Variants in TMEM232 observed in about 807,000 individuals in gnomAD.
TMEM232 encodes the protein transmembrane protein 232.
A neutral mutation model predicts 78.8 loss-of-function variants in TMEM232; 80 were observed. The observed-to-expected ratio is 1.01, with a 90% confidence interval of 0.85 to 1.22. The LOEUF is 1.22. TMEM232 is among the 50% of genes most tolerant of loss of function. The pLI, the probability that TMEM232 is intolerant of heterozygous loss-of-function variation, is 0.00. For synonymous variants in TMEM232, 297 were observed against 254.3 expected (o/e 1.17, Z -1.60); for missense variants, 881 against 742.2 (o/e 1.19, Z -2.17).
At chr5:110,610,228 GAAAA>G (rs373478857) in intron 8 of TMEM232, among the ~76,000 whole-genome samples, 4 of 7,360 alleles carry the variant, frequency 5.4e-4, no homozygotes, top group African/African-American at 1.0e-3. Flanking sequence ...GGGAGGGAGG[GAAAA>G]AGAAAGGAAG....
intron 12 of TMEM232, among the ~76,000 whole-genome samples, chr5:110,468,627 A>G (rs887684083): frequency 4.6e-5 from 7 of 152,172 alleles, no homozygotes; most frequent in Non-Finnish European, 7.4e-5. Flanking sequence ...TTATATAAGT[A>G]TAACCCCAGG....
rs112620554 is a variant in TMEM232, at chr5:110,454,499, G to GA, written c.1704-29584dup. Among the ~76,000 whole-genome samples, 289 of 144,968 alleles carry GA rather than the reference G, an allele frequency of 2.0e-3. 9 individuals carry two copies. The South Asian group carries it at 0.049, about 25-fold the overall frequency. ...AACATAGCAAGACTCTGTCTCTAAGGAAAAAAAAAAGTAACAGAAAGATAT... is the reference window on the plus strand; with the variant it reads ...AACATAGCAAGACTCTGTCTCTAAGGAAAAAAAAAAAGTAACAGAAAGATAT... On this transcript the variant is annotated intron_variant, in intron 12 of 13. Coordinates refer to ENST00000455884, the MANE Select transcript of TMEM232 (RefSeq NM_001039763.4).
In TMEM232 at chr5:110,690,503, G is replaced by C. The variant is rs188440479; in HGVS notation, c.-12-23139C>G. ...ATGCTATAGAGGATGTGGAGAAATA[G>C]GAACGCTTTTACACTGTTAGTGGGA... On this transcript the variant is annotated intron_variant, in intron 1 of 13. Transcript: ENST00000455884. 3.6e-4 allele frequency among the ~76,000 whole-genome samples: 55 copies of C among 152,290 alleles called. 1 individual carries two copies. The East Asian group carries it at 0.01, about 28-fold the overall frequency.
At chr5:110,620,765 A>C (rs913381107) in intron 7 of TMEM232, among the ~76,000 whole-genome samples, 2 of 151,290 alleles carry the variant, frequency 1.3e-5, no homozygotes, top group African/African-American at 2.4e-5. Context: ...GAACATTGAC[A>C]TCATCAAGAG....
At chr5:110,631,764 T>A (rs559967883) in intron 5 of TMEM232, among the ~76,000 whole-genome samples, 3 of 152,210 alleles carry the variant, frequency 2.0e-5, no homozygotes, top group Non-Finnish European at 2.9e-5. Context: ...GAAGACTGCA[T>A]TGTAGCCATC....
chr5:110,721,016 TA>T (rs1398884110), intron 1 of TMEM232: 1 of 152,128 alleles, frequency 6.6e-6, no homozygotes, highest in Non-Finnish European at 1.5e-5. Flanking sequence ...TTGCTAAAGG[TA>T]TAGTATACAT....
chr5:110,447,813 A>G (rs1231855395), intron 12 of TMEM232, among the ~76,000 whole-genome samples: 1 of 152,124 alleles, frequency 6.6e-6, no homozygotes, highest in Non-Finnish European at 1.5e-5. Flanking sequence ...TATAAAACAT[A>G]AATCAGTGAT....
At chr5:110,713,471 T>C (rs1796704779) in intron 1 of TMEM232, among the ~76,000 whole-genome samples, 2 of 152,270 alleles carry the variant, frequency 1.3e-5, no homozygotes, top group African/African-American at 4.8e-5. Context: ...CATATTGTGA[T>C]TATTATGCAT....
chr5:110,667,373 A>T lies in TMEM232; in HGVS notation c.-12-9T>A. The T allele has an allele frequency of 6.7e-7, 1 of 1,483,674 alleles. No individual in the cohort carries two copies. Among genetic ancestry groups the T allele is most frequent in the Non-Finnish European group, 9.0e-7 (1 of 1,110,336 alleles). 91.9% of individuals were successfully genotyped at this position (1,483,674 alleles called of 1,614,324 possible). ...TTCATAAATCATAAATTCTAAAAGGAATATTAAATGTATGTTAGCATACAA... is the reference window on the plus strand; with the variant it reads ...TTCATAAATCATAAATTCTAAAAGGTATATTAAATGTATGTTAGCATACAA... On this transcript the variant is annotated splice_polypyrimidine_tract_variant and intron_variant, in intron 1 of 13. Transcript: ENST00000455884.
At chr5:110,724,644 A>G (rs1797978762) in intron 1 of TMEM232, among the ~76,000 whole-genome samples, 1 of 152,206 alleles carries the variant, frequency 6.6e-6, no homozygotes. Context: ...TTTCTGGTGG[A>G]CTACTGTTAA....
At chr5:110,521,383 G>T (rs1319295316) in intron 12 of TMEM232, among the ~76,000 whole-genome samples, 1 of 152,032 alleles carries the variant, frequency 6.6e-6, no homozygotes, top group Non-Finnish European at 1.5e-5. Context: ...CATATATATG[G>T]TTTGCAAATA....
In TMEM232 at chr5:110,606,214, T is replaced by C. The variant is rs1055723316; in HGVS notation, c.976A>G (p.Met326Val). The change falls in exon 9 of 14, where the codon ATG (methionine) becomes GTG (valine). Residue 326 changes from methionine (M) to valine (V), a missense_variant. By Grantham distance (21) the Met-to-Val change is conservative (BLOSUM62 1). Coordinates refer to ENST00000455884, the MANE Select transcript of TMEM232 (RefSeq NM_001039763.4). ...GAAACAAAATCTCTCACTACGTCCA[T>C]TAAAGCTTTCAAGCAGGCCATGTTT... Reference protein sequence around the residue: ...KLNMACLKALMDVVRDFVSSI... With the variant: ...KLNMACLKALVDVVRDFVSSI... 3.2e-6 allele frequency: 5 copies of C among 1,547,922 alleles called. No individual in the cohort carries two copies. The Admixed American group carries it at 7.9e-5, about 24-fold the overall frequency.
intron 1 of TMEM232, among the ~76,000 whole-genome samples, chr5:110,683,462 A>G (rs1341839405): frequency 6.6e-6 from 1 of 151,938 alleles, no homozygotes; most frequent in East Asian, 1.9e-4. Context: ...AGATGTTTAA[A>G]CAACCAAAAA....
At chr5:110,592,718 T>C (rs138289632) in intron 10 of TMEM232, among the ~76,000 whole-genome samples, 66 of 152,258 alleles carry the variant, frequency 4.3e-4, no homozygotes, top group Non-Finnish European at 5.0e-4. Context: ...TCTAAACCAC[T>C]TGTGAATGTA....
At chr5:110,485,906 T>C (rs1374440713) in intron 12 of TMEM232, among the ~76,000 whole-genome samples, 1 of 152,162 alleles carries the variant, frequency 6.6e-6, no homozygotes. Context: ...GTTTCCATAG[T>C]AGCTGTATTA....
Position 110,627,430 on chromosome 5 carries a change from G to C in TMEM232, c.601+351C>G, listed in dbSNP as rs550654492. Among the ~76,000 whole-genome samples the C allele has an allele frequency of 2.4e-4, 36 of 152,122 alleles. 1 individual carries two copies. Among genetic ancestry groups the C allele is most frequent in the Admixed American group, 1.4e-3 (21 of 15,236 alleles). On this transcript the variant is annotated intron_variant, in intron 6 of 13. Transcript: ENST00000455884. Reference sequence around the variant, plus strand: ...CGTGAGAACGGATGGGGAAGGGGGAGATATCAGAGTGCAAAAATTCAGTTA... The same window carrying C: ...CGTGAGAACGGATGGGGAAGGGGGACATATCAGAGTGCAAAAATTCAGTTA...
rs562780892 is a variant in TMEM232, at chr5:110,639,420, T to G, written c.344-1065A>C. Among the ~76,000 whole-genome samples the G allele has an allele frequency of 2.6e-5, 4 of 152,274 alleles. No homozygotes were observed. In the East Asian group the frequency reaches 7.7e-4, roughly 29 times the overall value. ...ATGTCTTGAAAATAAGGAGGTTTAT[T>G]TCACAAGATTAGAATTGGAAAGGTT... On this transcript the variant is annotated intron_variant, in intron 4 of 13. Transcript: ENST00000455884.
At chr5:110,537,282 T>A (rs1015294293) in intron 11 of TMEM232, among the ~76,000 whole-genome samples, 1 of 142,140 alleles carries the variant, frequency 7.0e-6, no homozygotes, top group African/African-American at 3.1e-5. Context: ...AAAACTTATA[T>A]ATATATATAT....
At chr5:110,702,595 A>C (rs1195660693) in intron 1 of TMEM232, among the ~76,000 whole-genome samples, 1 of 152,022 alleles carries the variant, frequency 6.6e-6, no homozygotes, top group African/African-American at 2.4e-5. Context: ...TGCTGCCTGA[A>C]ACAGTTGATG....
Sources: gnomAD v4.1 joint callset for allele counts (sites outside exome capture counted in the v4.1 genomes callset) on GRCh38, gnomAD v4.1.1 for gene constraint, MANE v1.5 for transcripts, NCBI Gene and HGNC (gene_info 2026-07-23, HGNC 2026-07-21) for gene names.